XKR4: variants seen among roughly 807,000 people sequenced by gnomAD.
XKR4 encodes XK-related protein 4.
A neutral mutation model predicts 53.9 loss-of-function variants in XKR4; 12 were observed. The ratio of observed to expected loss-of-function variants is 0.22; its 90% CI spans 0.14 to 0.36. The LOEUF is 0.36. XKR4 is among the 10% of genes least tolerant of loss of function. The pLI is 1.00. For missense variants in XKR4, 799 were observed against 859.5 expected, an observed-to-expected ratio of 0.93 and a Z score of 0.88; for synonymous variants, 354 against 362.4, an observed-to-expected ratio of 0.98 and a Z score of 0.26.
chr8:55,478,617 G>A (rs1806043189), intron 2 of XKR4, among the ~76,000 whole-genome samples: 1 of 152,142 alleles, frequency 6.6e-6, no homozygotes, highest in Non-Finnish European at 1.5e-5. Flanking sequence ...ATTGGATAAA[G>A]AGTCAAGACC....
rs144855840 is a variant in XKR4 at position 55,376,796 on chromosome 8, G to T, written c.1006+18919G>T. On this transcript the variant is annotated intron_variant, in intron 2 of 2. Transcript: ENST00000327381. ...ATTTTAATGATGTTAGAGGCAGTCTGCACTGAGTGCATATCATTAATTCTA... is the reference window on the plus strand; with the variant it reads ...ATTTTAATGATGTTAGAGGCAGTCTTCACTGAGTGCATATCATTAATTCTA... 1.1e-3 allele frequency among the ~76,000 whole-genome samples: 163 copies of T among 152,196 alleles called. 3 individuals carry two copies. Among genetic ancestry groups the T allele is most frequent in the African/African-American group, 3.8e-3 (159 of 41,516 alleles).
At position 55,526,024 on chromosome 8, in the gene XKR4, A is replaced by G. The variant is rs560894312; in HGVS notation, c.*1797A>G. On this transcript the variant is annotated 3_prime_UTR_variant, in exon 3 of 3. Coordinates refer to ENST00000327381, the MANE Select transcript of XKR4 (RefSeq NM_052898.2). ...ACTGGCCAATGTTTCCCAGGAAATCAAAGATGTAAATGATTACTTTCATCC... is the reference window on the plus strand; with the variant it reads ...ACTGGCCAATGTTTCCCAGGAAATCGAAGATGTAAATGATTACTTTCATCC... 26 of 152,772 alleles carry G rather than the reference A, an allele frequency of 1.7e-4. No homozygotes were observed. The East Asian group carries it at 4.6e-3, about 27-fold the overall frequency. The allele number at this position is 152,772 out of a possible 1,614,324, so 9.5% of individuals were successfully genotyped here.
In XKR4 at chr8:55,102,708, T is replaced by C. The variant is rs2129350027; in HGVS notation, c.220T>C (p.Ser74Pro). The change falls in exon 1 of 3, where the codon TCC (serine) becomes CCC (proline). Residue 74 changes from serine to proline, a missense_variant. This residue lies in a region of XKR4 where 476 missense variants were observed against 505.4 expected (regional missense o/e 0.94). Coordinates refer to ENST00000327381, the MANE Select transcript of XKR4 (RefSeq NM_052898.2). The surrounding 1 kb of genome is among the most constrained non-coding windows in gnomAD (Gnocchi z 5.1). ...CCCCCAGSGG[S>P]AGSGGSGGVA... ...CTGCTGCTGCGCCGGGAGTGGCGGC[T>C]CCGCGGGCTCGGGCGGCTCCGGCGG... is the stretch of plus-strand genomic sequence containing the variant. 8.7e-7 allele frequency: 1 copy of C among 1,147,462 alleles called. No individual in the cohort carries two copies. Among genetic ancestry groups the C allele is most frequent in the Non-Finnish European group, 1.1e-6 (1 of 932,524 alleles). The allele number at this position is 1,147,462 out of a possible 1,614,324, so 71.1% of individuals were successfully genotyped here.
chr8:55,466,492 G>A (rs1470194839), intron 2 of XKR4, among the ~76,000 whole-genome samples: 2 of 152,046 alleles, frequency 1.3e-5, no homozygotes, highest in East Asian at 1.9e-4. Flanking sequence ...TTATGGAGTG[G>A]GGGGAGGGGG....
chr8:55,429,901 C>A (rs1468084947), intron 2 of XKR4, among the ~76,000 whole-genome samples: 1 of 152,060 alleles, frequency 6.6e-6, no homozygotes, highest in Non-Finnish European at 1.5e-5. Context: ...ACGAATGACT[C>A]ATATCTAGAA....
At chr8:55,278,241 G>A (rs923263647) in intron 1 of XKR4, among the ~76,000 whole-genome samples, 7 of 151,610 alleles carry the variant, frequency 4.6e-5, no homozygotes, top group Admixed American at 1.3e-4. Flanking sequence ...GGAAGCTGGG[G>A]CACAAGAATC....
chr8:55,141,675 G>C lies in XKR4; in HGVS notation c.806+38381G>C, dbSNP rs111328938. 9.0e-3 allele frequency among the ~76,000 whole-genome samples: 408 copies of C among 45,502 alleles called. 6 individuals carry two copies. The highest frequency in any genetic ancestry group is 0.024 in the African/African-American group (315 of 12,952). The allele number at this position is 45,502 out of a possible 152,430, so 29.9% of individuals were successfully genotyped here. On this transcript the variant is annotated intron_variant, in intron 1 of 2. Coordinates refer to ENST00000327381, the MANE Select transcript of XKR4 (RefSeq NM_052898.2). ...TCTCTCTCTCTCTCTCTCTCTCTGT[G>C]TGTGTGTGTGTGTGTCTCTCTCTGT... is the stretch of plus-strand genomic sequence containing the variant.
At chr8:55,269,059 G>T (rs1818651525) in intron 1 of XKR4, among the ~76,000 whole-genome samples, 1 of 152,138 alleles carries the variant, frequency 6.6e-6, no homozygotes, top group Non-Finnish European at 1.5e-5. Context: ...TGATTTGGGG[G>T]CTACAGCTTC....
chr8:55,132,672 G>A (rs1472590192), intron 1 of XKR4, among the ~76,000 whole-genome samples: 1 of 152,132 alleles, frequency 6.6e-6, no homozygotes, highest in East Asian at 1.9e-4. Flanking sequence ...CAGAAATTGA[G>A]CTCGTCAGAC....
At chr8:55,119,622 C>G (rs1165149540) in intron 1 of XKR4, among the ~76,000 whole-genome samples, 1 of 152,040 alleles carries the variant, frequency 6.6e-6, no homozygotes, top group African/African-American at 2.4e-5. Context: ...GGCTCACAGG[C>G]CACACTCAGA....
intron 1 of XKR4, among the ~76,000 whole-genome samples, chr8:55,147,798 A>G (rs1161232254): frequency 6.6e-6 from 1 of 152,234 alleles, no homozygotes; most frequent in Non-Finnish European, 1.5e-5. Flanking sequence ...TGTCCATTTT[A>G]TGATTGTCCA....
chr8:55,106,028 A>G (rs1318259384), intron 1 of XKR4, among the ~76,000 whole-genome samples: 24 of 152,186 alleles, frequency 1.6e-4, no homozygotes, highest in Non-Finnish European at 1.5e-5. Flanking sequence ...AATACATTAT[A>G]CACAAATATT....
chr8:55,515,335 T>C (rs1200599328), intron 2 of XKR4, among the ~76,000 whole-genome samples: 1 of 152,164 alleles, frequency 6.6e-6, no homozygotes, highest in Admixed American at 6.5e-5. Flanking sequence ...CTAGACCCGG[T>C]GGAGCTTGTA....
intron 2 of XKR4, chr8:55,451,462 T>C: frequency 1.6e-6 from 2 of 1,249,206 alleles, no homozygotes; most frequent in Non-Finnish European, 2.3e-6. Context: ...CTTCTCCTGC[T>C]CCAGGCTACT....
intron 2 of XKR4, among the ~76,000 whole-genome samples, chr8:55,400,424 C>A (rs573674703): frequency 1.3e-5 from 2 of 152,192 alleles, no homozygotes; most frequent in Non-Finnish European, 2.9e-5. Context: ...TGAGGTGGAT[C>A]CTCCGAGGCA....
chr8:55,132,346 C>A (rs1244979322), intron 1 of XKR4, among the ~76,000 whole-genome samples: 1 of 152,188 alleles, frequency 6.6e-6, no homozygotes, highest in Non-Finnish European at 1.5e-5. Flanking sequence ...AAGGAATACA[C>A]TTGAAGACCC....
intron 1 of XKR4, among the ~76,000 whole-genome samples, chr8:55,252,440 G>A (rs2129369866): frequency 6.6e-6 from 1 of 152,274 alleles, no homozygotes; most frequent in East Asian, 1.9e-4. Context: ...CCTGCTCTTG[G>A]AACAAAGCAG....
chr8:55,281,615 G>A (rs1435825667), intron 1 of XKR4, among the ~76,000 whole-genome samples: 2 of 152,224 alleles, frequency 1.3e-5, no homozygotes, highest in East Asian at 1.9e-4. Context: ...AATACAGACT[G>A]CATGGAGAAA....
intron 2 of XKR4, among the ~76,000 whole-genome samples, chr8:55,436,401 A>C (rs1023248969): frequency 3.3e-5 from 5 of 152,212 alleles, no homozygotes; most frequent in Non-Finnish European, 7.3e-5. Context: ...AAATAAATGT[A>C]TTTGACAAGT....
Sources: allele counts gnomAD v4.1 joint callset (sites outside exome capture counted in the v4.1 genomes callset), GRCh38; gene constraint gnomAD v4.1.1; regional missense constraint gnomAD v4.1.1; non-coding constraint Gnocchi (gnomAD v3.1); transcripts MANE v1.5; gene names NCBI Gene and HGNC (gene_info 2026-07-23, HGNC 2026-07-21).